Variants in FLI1 observed in about 807,000 individuals in gnomAD.
The protein encoded by FLI1 is Fli-1 proto-oncogene, ETS transcription factor, also known as Friend leukemia integration 1 transcription factor.
A neutral mutation model predicts 53.1 loss-of-function variants in FLI1; 13 were observed. The observed-to-expected ratio is 0.24, with a 90% CI of 0.16 to 0.39. FLI1 has a LOEUF of 0.39. Among genes scored for constraint, FLI1 ranks in the 10% least tolerant of loss-of-function variants. FLI1 has a pLI of 1.00. For missense variants in FLI1, 424 were observed against 600.5 expected (o/e 0.71, Z 3.07); for synonymous variants, 244 against 236.7 (o/e 1.03, Z -0.28).
At chr11:128,688,600 C>T (rs1342187888) in intron 1 of FLI1, among the ~76,000 whole-genome samples, 3 of 151,128 alleles carry the variant, frequency 2.0e-5, no homozygotes, top group African/African-American at 7.4e-5. Context: ...AGGAGCCCAG[C>T]CTGGCCCCTA....
intron 3 of FLI1, among the ~76,000 whole-genome samples, chr11:128,771,672 G>A (rs1364526264): frequency 6.6e-6 from 1 of 152,170 alleles, no homozygotes; most frequent in East Asian, 1.9e-4. Context: ...GAAGCCGGAG[G>A]CTAATGGCCG....
intron 4 of FLI1, among the ~76,000 whole-genome samples, chr11:128,779,854 C>T (rs1180073648): frequency 6.6e-6 from 1 of 152,212 alleles, no homozygotes; most frequent in East Asian, 1.9e-4. Context: ...CACAAACCCA[C>T]ATAGCATAGC....
At chr11:128,753,277 T>C (rs979862546) in intron 1 of FLI1, among the ~76,000 whole-genome samples, 6 of 152,218 alleles carry the variant, frequency 3.9e-5, no homozygotes, top group Admixed American at 3.3e-4. Context: ...GAGCCCCACA[T>C]AGGGCTAGGA....
At chr11:128,746,195 T>G (rs1474430246) in intron 1 of FLI1, among the ~76,000 whole-genome samples, 1 of 152,170 alleles carries the variant, frequency 6.6e-6, no homozygotes, top group Non-Finnish European at 1.5e-5. Flanking sequence ...CTTAATTCAT[T>G]GCACACTTCT....
At chr11:128,710,909 G>C (rs999490954) in intron 1 of FLI1, among the ~76,000 whole-genome samples, 1 of 152,244 alleles carries the variant, frequency 6.6e-6, no homozygotes, top group African/African-American at 2.4e-5. Flanking sequence ...ATTTTTAGGA[G>C]AAGAGATTTG....
At chr11:128,747,977 A>G (rs1015437289) in intron 1 of FLI1, among the ~76,000 whole-genome samples, 1 of 152,146 alleles carries the variant, frequency 6.6e-6, no homozygotes, top group Non-Finnish European at 1.5e-5. Context: ...TGCCCTTTAA[A>G]TGTGGTTATG....
At chr11:128,686,648 C>A (rs1259677926) in exon 1 of FLI1, 2 of 361,216 alleles carry the variant, frequency 5.5e-6, no homozygotes, top group Non-Finnish European at 1.1e-5. Context: ...CGTTCCCGAC[C>A]CTTAGCTACC....
intron 6 of FLI1, chr11:128,806,097 T>G (rs1432138705): frequency 1.3e-5 from 2 of 151,984 alleles, no homozygotes; most frequent in Non-Finnish European, 2.9e-5. Context: ...ATGAAGCACA[T>G]GAACAGGTGG....
At chr11:128,786,894 C>T (rs1386818698) in intron 5 of FLI1, among the ~76,000 whole-genome samples, 2 of 152,208 alleles carry the variant, frequency 1.3e-5, no homozygotes, top group Non-Finnish European at 2.9e-5. Flanking sequence ...CGGCCAAGGG[C>T]CTGTGGAGCA....
At chr11:128,743,920 T>A (rs563452147) in intron 1 of FLI1, among the ~76,000 whole-genome samples, 1 of 152,186 alleles carries the variant, frequency 6.6e-6, no homozygotes, top group Admixed American at 6.5e-5. Flanking sequence ...TGCTGGACTG[T>A]CCAGGCTTAG....
chr11:128,689,940 C>A (rs1937669358), upstream of FLI1, among the ~76,000 whole-genome samples: 1 of 151,812 alleles, frequency 6.6e-6, no homozygotes, highest in African/African-American at 2.4e-5. Context: ...GCGTGGGGAG[C>A]GGGCCAGGCG....
chr11:128,698,893 T>A (rs968053104), intron 1 of FLI1, among the ~76,000 whole-genome samples: 3 of 152,184 alleles, frequency 2.0e-5, no homozygotes, highest in Admixed American at 6.5e-5. Flanking sequence ...AAATTCCAAA[T>A]TTTTGGATAG....
intron 1 of FLI1, among the ~76,000 whole-genome samples, chr11:128,702,880 C>A (rs1260321291): frequency 1.9e-4 from 24 of 123,526 alleles, no homozygotes; most frequent in Admixed American, 3.2e-4. Flanking sequence ...AAAAAAAAAA[C>A]ATGGAGAAAA....
At position 128,810,763 on chromosome 11, in the gene FLI1, G is replaced by T. The variant is rs759764204; in HGVS notation, c.1134G>T (p.Met378Ile). The change falls in exon 9 of 9, where the codon ATG becomes ATT. Residue 378 changes from methionine (M) to isoleucine (I), a missense_variant. This residue lies in a region of FLI1 where 87 missense variants were observed against 100.0 expected (regional missense o/e 0.87). Transcript: ENST00000527786. The surrounding 1 kb of genome is among the most constrained non-coding windows in gnomAD (Gnocchi z 6.6). ...AGCCACATCCGACCGAGTCGTCCATGTACAAGTACCCTTCTGACATCTCCT... is the reference window on the plus strand; with the variant it reads ...AGCCACATCCGACCGAGTCGTCCATTTACAAGTACCCTTCTGACATCTCCT... ...ALQPHPTESS[M>I]YKYPSDISYM... is the part of the protein sequence containing the mutation. The T allele has an allele frequency of 2.5e-6, 4 of 1,613,950 alleles. No homozygotes were observed. In the African/African-American group the frequency reaches 4.0e-5, roughly 16 times the overall value.
chr11:128,801,071 A>G (rs1942623723), intron 5 of FLI1, among the ~76,000 whole-genome samples: 1 of 152,228 alleles, frequency 6.6e-6, no homozygotes. Flanking sequence ...ACTGGTGCCG[A>G]CGGCCACATT....
At chr11:128,724,896 A>G (rs1392373164) in intron 1 of FLI1, among the ~76,000 whole-genome samples, 1 of 152,122 alleles carries the variant, frequency 6.6e-6, no homozygotes, top group African/African-American at 2.4e-5. Context: ...CCCACTGGCC[A>G]AAGTGTTTGA....
intron 1 of FLI1, among the ~76,000 whole-genome samples, chr11:128,730,607 G>A (rs951922284): frequency 4.6e-5 from 7 of 152,206 alleles, no homozygotes; most frequent in African/African-American, 1.7e-4. Flanking sequence ...GGTCTGTGGT[G>A]CTGGGCCCTT....
chr11:128,795,722 T>C (rs1942420924), intron 5 of FLI1, among the ~76,000 whole-genome samples: 1 of 152,072 alleles, frequency 6.6e-6, no homozygotes, highest in Admixed American at 6.5e-5. Context: ...AACTAATTTT[T>C]TGTATTTTTA....
chr11:128,747,358 T>G (rs1443040683), intron 1 of FLI1, among the ~76,000 whole-genome samples: 4 of 152,176 alleles, frequency 2.6e-5, no homozygotes, highest in Non-Finnish European at 5.9e-5. Flanking sequence ...CAGGGAAAAG[T>G]ATGTGGGACA....
Sources: allele counts gnomAD v4.1 joint callset (sites outside exome capture counted in the v4.1 genomes callset), GRCh38; gene constraint gnomAD v4.1.1; regional missense constraint gnomAD v4.1.1; non-coding constraint Gnocchi (gnomAD v3.1); transcripts MANE v1.5; gene names NCBI Gene and HGNC (gene_info 2026-07-23, HGNC 2026-07-21).